Variants in ITSN1 observed in about 807,000 individuals in gnomAD.
The protein encoded by ITSN1 is intersectin-1.
ITSN1 carries 58 observed loss-of-function variants against 239.8 expected under a neutral mutation model. The observed-to-expected ratio is 0.24, with a 90% CI of 0.20 to 0.30. The LOEUF is 0.30. Among genes scored for constraint, ITSN1 ranks in the 10% least tolerant of loss-of-function variants. The pLI, the probability that ITSN1 is intolerant of heterozygous loss-of-function variation, is 1.00. For missense variants in ITSN1, 1,558 were observed against 2,103.3 expected, an observed-to-expected ratio of 0.74 and a Z score of 5.07; for synonymous variants, 780 against 770.8, an observed-to-expected ratio of 1.01 and a Z score of -0.20.
chr21:33,656,706 T>TA (rs2089114359), intron 1 of ITSN1, among the ~76,000 whole-genome samples: 1 of 152,028 alleles, frequency 6.6e-6, no homozygotes, highest in African/African-American at 2.4e-5. Context: ...TTTATTTATT[T>TA]ATTTATTTGT....
chr21:33,800,854 G>T (rs1987038528), intron 19 of ITSN1, among the ~76,000 whole-genome samples: 1 of 146,306 alleles, frequency 6.8e-6, no homozygotes, highest in African/African-American at 2.5e-5. Context: ...TCACTCTGTT[G>T]CCCAGGCTGG....
chr21:33,740,971 T>A (rs1170288477), intron 5 of ITSN1, among the ~76,000 whole-genome samples: 1 of 152,238 alleles, frequency 6.6e-6, no homozygotes, highest in Non-Finnish European at 1.5e-5. Flanking sequence ...ATGGAAAAAT[T>A]ATTATGTAAG....
rs573510521 is a variant in ITSN1 at position 33,817,148 on chromosome 21, T to G, written c.2728-1119T>G. On this transcript the variant is annotated intron_variant, in intron 22 of 39. Transcript: ENST00000381318. ...TATATGATTGAAAGTTGGTGTTTCA[T>G]TTTTTACTAAATGCTTTAAGATACT... The G allele has an allele frequency of 2.9e-4, 354 of 1,205,508 alleles. 2 individuals carry two copies. In the African/African-American group the frequency reaches 5.4e-3, roughly 18 times the overall value. The allele number at this position is 1,205,508 out of a possible 1,614,324, so 74.7% of individuals were successfully genotyped here.
chr21:33,785,535 G>A (rs1466849435), intron 16 of ITSN1, among the ~76,000 whole-genome samples: 2 of 152,036 alleles, frequency 1.3e-5, no homozygotes, highest in Non-Finnish European at 2.9e-5. Flanking sequence ...TGTCTTTTGT[G>A]GGTTTCTCCC....
At position 33,856,866 on chromosome 21, in the gene ITSN1, G is replaced by A. The variant is rs758660386; in HGVS notation, c.3783+9G>A. The A allele has an allele frequency of 1.6e-5, 26 of 1,613,888 alleles. No homozygotes were observed. The African/African-American group carries it at 1.7e-4, about 11-fold the overall frequency. ...TGCAGCTGGTCACAGAGGTAAGGGA[G>A]CTGGTGGGGCAGGGGGCACGGCAGG... On this transcript the variant is annotated intron_variant, in intron 30 of 39. Coordinates refer to ENST00000381318, the MANE Select transcript of ITSN1 (RefSeq NM_003024.3).
At chr21:33,752,503 A>G (rs907416684) in intron 7 of ITSN1, among the ~76,000 whole-genome samples, 8 of 152,008 alleles carry the variant, frequency 5.3e-5, no homozygotes, top group African/African-American at 1.7e-4. Context: ...GGTTTCAATT[A>G]TTACCTTTCA....
chr21:33,683,456 A>G (rs2091078723), intron 1 of ITSN1, among the ~76,000 whole-genome samples: 1 of 152,170 alleles, frequency 6.6e-6, no homozygotes, highest in South Asian at 2.1e-4. Context: ...AAGCCATTGT[A>G]CAAGTTCCCC....
At chr21:33,710,679 A>C (rs987241047) in intron 1 of ITSN1, among the ~76,000 whole-genome samples, 1 of 151,970 alleles carries the variant, frequency 6.6e-6, no homozygotes, top group Non-Finnish European at 1.5e-5. Context: ...TGACCTAAAA[A>C]AGTGAAGTGG....
intron 6 of ITSN1, among the ~76,000 whole-genome samples, chr21:33,751,404 G>T (rs2067545806): frequency 6.6e-6 from 1 of 152,180 alleles, no homozygotes; most frequent in South Asian, 2.1e-4. Context: ...ATGTTATCTG[G>T]CCAAGACTAC....
intron 1 of ITSN1, among the ~76,000 whole-genome samples, chr21:33,694,122 T>C (rs1322665944): frequency 6.6e-6 from 1 of 152,250 alleles, no homozygotes; most frequent in East Asian, 1.9e-4. Flanking sequence ...CAAGCGATCC[T>C]TCCACCTCAG....
Position 33,882,221 on chromosome 21 carries a change from G to A in ITSN1, c.4342-22G>A. ...CGGAGAAACAAAAATGCTACACTTT[G>A]GGTTTTGTTTTCCTTTCTCAGCAAC... On this transcript the variant is annotated intron_variant, in intron 34 of 39. Coordinates refer to ENST00000381318, the MANE Select transcript of ITSN1 (RefSeq NM_003024.3). The surrounding 1 kb of genome is among the most constrained non-coding windows in gnomAD (Gnocchi z 4.5). 3.7e-6 allele frequency: 6 copies of A among 1,606,968 alleles called. No individual in the cohort carries two copies. The highest frequency in any genetic ancestry group is 5.1e-6 in the Non-Finnish European group (6 of 1,175,256).
intron 9 of ITSN1, among the ~76,000 whole-genome samples, chr21:33,763,490 T>A (rs1029040623): frequency 2.6e-5 from 4 of 152,196 alleles, no homozygotes; most frequent in African/African-American, 9.7e-5. Context: ...TGGCCACTAC[T>A]CACTGGATGC....
intron 5 of ITSN1, among the ~76,000 whole-genome samples, chr21:33,742,426 A>G (rs1434852678): frequency 6.6e-6 from 1 of 152,240 alleles, no homozygotes; most frequent in African/African-American, 2.4e-5. Flanking sequence ...AGAATTGTGT[A>G]CATTTGTAAC....
intron 1 of ITSN1, among the ~76,000 whole-genome samples, chr21:33,643,158 G>T (rs2087576647): frequency 6.6e-6 from 1 of 151,712 alleles, no homozygotes; most frequent in African/African-American, 2.4e-5. Context: ...GACCCGCGTT[G>T]GCGGGAGCGG....
intron 1 of ITSN1, among the ~76,000 whole-genome samples, chr21:33,694,767 C>T (rs760693391): frequency 2.6e-5 from 4 of 151,848 alleles, no homozygotes; most frequent in Non-Finnish European, 4.4e-5. Context: ...TGCAGTGAGC[C>T]GATATCACAC....
chr21:33,682,809 C>CTT (rs892446137), intron 1 of ITSN1, among the ~76,000 whole-genome samples: 3 of 141,312 alleles, frequency 2.1e-5, no homozygotes, highest in African/African-American at 9.0e-5. Context: ...GGCTTGAGCC[C>CTT]TTTTTTTTTT....
chr21:33,834,687 T>TA (rs1341907039), intron 28 of ITSN1, among the ~76,000 whole-genome samples: 1 of 152,148 alleles, frequency 6.6e-6, no homozygotes, highest in South Asian at 2.1e-4. Context: ...GCTGTGGCAT[T>TA]AAGGCCACAT....
intron 20 of ITSN1, 184 bp from the exon 21 acceptor site, chr21:33,810,791 G>A: frequency 1.3e-6 from 1 of 780,694 alleles, no homozygotes; most frequent in East Asian, 2.5e-5. Flanking sequence ...TTGAATTATA[G>A]TGCATTTTTT....
At chr21:33,654,441 T>C (rs2146175864) in intron 1 of ITSN1, among the ~76,000 whole-genome samples, 1 of 152,222 alleles carries the variant, frequency 6.6e-6, no homozygotes, top group Admixed American at 6.5e-5. Context: ...CGTTAGTTAT[T>C]AGTTCCGTAT....
Sources: allele counts gnomAD v4.1 joint callset (sites outside exome capture counted in the v4.1 genomes callset), GRCh38; gene constraint gnomAD v4.1.1; non-coding constraint Gnocchi (gnomAD v3.1); transcripts MANE v1.5; gene names NCBI Gene and HGNC (gene_info 2026-07-23, HGNC 2026-07-21).